ASPRV1: variants seen among roughly 807,000 people sequenced by gnomAD.
ASPRV1 encodes aspartic peptidase retroviral like 1.
ASPRV1 carries 7 observed loss-of-function variants against 11.0 expected under a neutral mutation model. That is an observed-to-expected ratio of 0.64 (90% CI 0.36 to 1.20). ASPRV1 has a LOEUF of 1.20. Among genes scored for constraint, ASPRV1 ranks in the 50% most tolerant of loss-of-function variants. The probability of loss-of-function intolerance (pLI) is 0.02; values close to 1 mark genes in which losing one functional copy is unlikely to be tolerated. For missense variants in ASPRV1, 299 were observed against 320.0 expected (o/e 0.93, Z 0.50); for synonymous variants, 136 against 138.4 (o/e 0.98, Z 0.12).
the ASPRV1 span, chr2:70,014,713 T>C: frequency 1.4e-5 from 2 of 141,584 alleles, no homozygotes; most frequent in Non-Finnish European, 3.0e-5. Flanking sequence ...GGTGGGAGCA[T>C]CCCTTGAGCC....
chr2:69,973,521 T>A, the ASPRV1 span, among the ~76,000 whole-genome samples: 14 of 152,326 alleles, frequency 9.2e-5, no homozygotes, highest in Admixed American at 3.9e-4. Flanking sequence ...CTAACTTTTT[T>A]ATTTTTTGTA....
the ASPRV1 span, among the ~76,000 whole-genome samples, chr2:70,017,637 A>G: frequency 3.3e-5 from 5 of 152,226 alleles, no homozygotes; most frequent in South Asian, 6.2e-4. Flanking sequence ...AGACAATAGT[A>G]AAGACTCACC....
At chr2:69,958,693 C>T (rs1046667718), downstream of ASPRV1, among the ~76,000 whole-genome samples, 1 of 152,132 alleles carries the variant, frequency 6.6e-6, no homozygotes, top group Non-Finnish European at 1.5e-5. Flanking sequence ...GGAGAGGGCT[C>T]GGCCCATGAG....
chr2:69,948,949 C>T, the ASPRV1 span, among the ~76,000 whole-genome samples: 2 of 151,940 alleles, frequency 1.3e-5, no homozygotes, highest in Non-Finnish European at 2.9e-5. Context: ...CCTGCCTGGC[C>T]GCTCCCCCCG....
At chr2:70,065,819 CAAAAAAAAAAA>C in the ASPRV1 span, among the ~76,000 whole-genome samples, 9 of 67,448 alleles carry the variant, frequency 1.3e-4, no homozygotes, top group Admixed American at 1.9e-4. Flanking sequence ...GCTTTTGACT[CAAAAAAAAAAA>C]AAAAAAAAAA....
At chr2:70,003,170 G>C in the ASPRV1 span, 1 of 152,200 alleles carries the variant, frequency 6.6e-6, no homozygotes. Flanking sequence ...GTGCTCACAA[G>C]GTTCTTGAAG....
chr2:69,979,643 AG>A, the ASPRV1 span, among the ~76,000 whole-genome samples: 3 of 152,204 alleles, frequency 2.0e-5, no homozygotes, highest in African/African-American at 7.2e-5. Context: ...TGAGAGTGAC[AG>A]GCCCCTTGCC....
the ASPRV1 span, among the ~76,000 whole-genome samples, chr2:70,033,276 AAC>A: frequency 0.17 from 24,245 of 141,324 alleles, 2,125 homozygotes; most frequent in Middle Eastern, 0.24. Context: ...TCAAACAGAA[AAC>A]ACACACACAC....
chr2:70,010,169 G>T, the ASPRV1 span, among the ~76,000 whole-genome samples: 4 of 152,134 alleles, frequency 2.6e-5, no homozygotes, highest in East Asian at 7.7e-4. Context: ...CATGGGATGA[G>T]GGTATGTGAA....
the ASPRV1 span, among the ~76,000 whole-genome samples, chr2:70,007,750 A>T: frequency 6.6e-6 from 1 of 152,152 alleles, no homozygotes; most frequent in Non-Finnish European, 1.5e-5. Context: ...GAAGCTCATT[A>T]TATCTAGGGA....
the ASPRV1 span, among the ~76,000 whole-genome samples, chr2:70,020,572 G>A: frequency 2.6e-5 from 4 of 152,064 alleles, no homozygotes; most frequent in African/African-American, 4.8e-5. Flanking sequence ...GTGAAATCCC[G>A]TTTCTACAAA....
the ASPRV1 span, among the ~76,000 whole-genome samples, chr2:69,991,947 C>T: frequency 6.6e-6 from 1 of 152,310 alleles, no homozygotes; most frequent in South Asian, 2.1e-4. Flanking sequence ...GGTCATGCCA[C>T]CTCTCTCCAG....
chr2:70,051,460 G>T, the ASPRV1 span, among the ~76,000 whole-genome samples: 2 of 152,060 alleles, frequency 1.3e-5, no homozygotes, highest in Non-Finnish European at 2.9e-5. Flanking sequence ...AACTCAGCTG[G>T]CAAATTTCTT....
At chr2:70,028,277 A>C in the ASPRV1 span, 2 of 152,206 alleles carry the variant, frequency 1.3e-5, no homozygotes, top group African/African-American at 4.8e-5. Context: ...AGATGGAAGT[A>C]ATGACGAGAA....
At chr2:69,952,505 G>GAAAAGA in the ASPRV1 span, among the ~76,000 whole-genome samples, 3,297 of 127,804 alleles carry the variant, frequency 0.026, 58 homozygotes, top group Non-Finnish European at 0.038. Context: ...GATCCTGTAA[G>GAAAAGA]AAAAGAAAAA....
At chr2:69,983,042 C>T in the ASPRV1 span, among the ~76,000 whole-genome samples, 1 of 152,284 alleles carries the variant, frequency 6.6e-6, no homozygotes, top group African/African-American at 2.4e-5. Context: ...CTCCAGCCTC[C>T]CGAGTAGCTG....
chr2:70,064,272 G>C, the ASPRV1 span, among the ~76,000 whole-genome samples: 2 of 152,124 alleles, frequency 1.3e-5, no homozygotes, highest in East Asian at 3.9e-4. Flanking sequence ...CAGCTTCCTA[G>C]ACCTCAGGTG....
chr2:70,015,030 G>A, the ASPRV1 span, among the ~76,000 whole-genome samples: 2 of 152,050 alleles, frequency 1.3e-5, no homozygotes, highest in African/African-American at 4.8e-5. Flanking sequence ...ATGTAAAGAT[G>A]CTCAACATCA....
chr2:70,005,960 A>G, the ASPRV1 span, among the ~76,000 whole-genome samples: 1 of 152,328 alleles, frequency 6.6e-6, no homozygotes, highest in East Asian at 1.9e-4. Flanking sequence ...GCCCTTCGAT[A>G]GCCCAGGGTT....
Sources: gnomAD v4.1 joint callset for allele counts (sites outside exome capture counted in the v4.1 genomes callset) on GRCh38, gnomAD v4.1.1 for gene constraint, MANE v1.5 for transcripts, NCBI Gene and HGNC (gene_info 2026-07-23, HGNC 2026-07-21) for gene names.